The following KLK14 variants were observed in gnomAD, a reference collection of about 807,000 sequenced individuals.
The protein encoded by KLK14 is kallikrein related peptidase 14, also known as kallikrein-14.
A neutral mutation model predicts 24.6 loss-of-function variants in KLK14; 21 were observed. The ratio of observed to expected loss-of-function variants is 0.85; its 90% CI spans 0.61 to 1.23. KLK14 has a LOEUF of 1.23. Among genes scored for constraint, KLK14 ranks in the 50% most tolerant of loss-of-function variants. The pLI, the probability that KLK14 is intolerant of heterozygous loss-of-function variation, is 0.00. For synonymous variants in KLK14, 133 were observed against 139.7 expected (o/e 0.95, Z 0.34); for missense variants, 320 against 338.9 (o/e 0.94, Z 0.44).
chr19:51,083,040 G>T (rs528624871), upstream of KLK14, among the ~76,000 whole-genome samples: 4 of 151,650 alleles, frequency 2.6e-5, no homozygotes, highest in African/African-American at 9.7e-5. Flanking sequence ...CCCCTGTCTG[G>T]CCAAAAAAGC....
At chr19:51,081,369 C>A (rs2091837931) in intron 3 of KLK14, among the ~76,000 whole-genome samples, 163 bp downstream of exon 3, 1 of 137,040 alleles carries the variant, frequency 7.3e-6, no homozygotes, top group Non-Finnish European at 1.5e-5. Context: ...TGGAGGAGCC[C>A]ACATCCCGAG....
upstream of KLK14, among the ~76,000 whole-genome samples, chr19:51,083,269 C>CA (rs2091851394): frequency 1.2e-5 from 1 of 85,368 alleles, no homozygotes; most frequent in African/African-American, 4.8e-5. Context: ...GAGGGAGTCA[C>CA]GGGAGGAGGG....
intron 3 of KLK14, 54 bp from the exon 4 acceptor site, chr19:51,079,756 C>A: frequency 6.6e-7 from 1 of 1,510,970 alleles, no homozygotes; most frequent in Non-Finnish European, 8.8e-7. Context: ...AGAGACTCCT[C>A]CCCACCCTCC....
Position 51,082,603 on chromosome 19 carries a change from C to T in KLK14, c.12G>A (p.Leu4=), listed in dbSNP as rs769350773. 6.2e-7 allele frequency: 1 copy of T among 1,614,134 alleles called. No individual in the cohort carries two copies. Among genetic ancestry groups the T allele is most frequent in the Admixed American group, 1.7e-5 (1 of 60,016 alleles). Residue 4 remains leucine (L), a synonymous_variant, in exon 2 of 6, where the codon CTG becomes CTA. Coordinates refer to ENST00000650543, the MANE Select transcript of KLK14 (RefSeq NM_001369775.2). MFL[L]LTALQVLAIA... ...TAGCCAGGACTTGAAGTGCTGTCAG[C>T]AGGAGGAACATTTTAGGGGCTGAGG...
At position 51,081,522 on chromosome 19, in the gene KLK14, G is replaced by C; in HGVS notation, c.212+10C>G. ...CACTAGGTACAGGGACAGGGGAGGG[G>C]GTCACTTACGGGCGGCCGCAGTGAG... On this transcript the variant is annotated intron_variant, in intron 3 of 5. Transcript: ENST00000650543. 1 of 1,498,132 alleles carries C rather than the reference G, an allele frequency of 6.7e-7. No individual in the cohort carries two copies. Among genetic ancestry groups the C allele is most frequent in the Non-Finnish European group, 8.9e-7 (1 of 1,118,208 alleles). The allele number at this position is 1,498,132 out of a possible 1,614,324, so 92.8% of individuals were successfully genotyped here. A position where few individuals can be genotyped will look rare whatever the true frequency, so the allele number is the denominator to read the frequency against.
intron 1 of KLK14, 28 bp downstream of exon 1, chr19:51,082,694 A>G (rs890052431): frequency 3.1e-6 from 5 of 1,614,188 alleles, no homozygotes; most frequent in Middle Eastern, 1.7e-4. Context: ...CCGGGGGCTG[A>G]GAGGCAGAGA....
rs1568596925 is a variant in KLK14 at position 51,078,109 on chromosome 19, C to T, written c.654G>A (p.Val218=). The T allele has an allele frequency of 1.2e-6, 2 of 1,613,968 alleles. No homozygotes were observed. Among genetic ancestry groups the T allele is most frequent in the East Asian group, 2.2e-5 (1 of 44,874 alleles). ...GGGCGCAGCGCTCCATTCCCCAAGA[C>T]ACGAGGCCCTGGAGCTGTCCTCTGC... The part of the protein sequence containing the change: ...LVCRGQLQGL[V]SWGMERCALP... The change falls in exon 6 of 6, where the codon GTG becomes GTA. Residue 218 remains valine, a synonymous_variant. Transcript: ENST00000650543. The surrounding 1 kb of genome is among the most constrained non-coding windows in gnomAD (Gnocchi z 5.0).
rs577964926 is a variant in KLK14 at position 51,078,184 on chromosome 19, G to C, written c.604-25C>G. The C allele has an allele frequency of 6.2e-7, 1 of 1,609,598 alleles. No individual in the cohort carries two copies. The highest frequency in any genetic ancestry group is 1.3e-5 in the African/African-American group (1 of 74,946). ...CCTGAGGGGGAGGAACAGAAATGGAGACACTGATGGACAGGTAGCCAGAGC... is the reference window on the plus strand; with the variant it reads ...CCTGAGGGGGAGGAACAGAAATGGACACACTGATGGACAGGTAGCCAGAGC... On this transcript the variant is annotated intron_variant, in intron 5 of 5. Transcript: ENST00000650543. This position sits in a 1 kb window ranked among gnomAD's most constrained non-coding sequence, Gnocchi z 5.0.
chr19:51,081,474 C>A, intron 3 of KLK14, 58 bp downstream of exon 3: 1 of 1,400,312 alleles, frequency 7.1e-7, no homozygotes, highest in East Asian at 2.7e-5. Flanking sequence ...CAGCTCAGCT[C>A]TAGGGCTTTA....
At position 51,079,668 on chromosome 19, in the gene KLK14, T is replaced by G. The variant is rs2091827468; in HGVS notation, c.247A>C (p.Arg83=). The G allele has an allele frequency of 6.3e-7, 1 of 1,580,516 alleles. No individual in the cohort carries two copies. Residue 83 remains arginine, a synonymous_variant, in exon 4 of 6, where the codon AGG becomes CGG. Coordinates refer to ENST00000650543, the MANE Select transcript of KLK14 (RefSeq NM_001369775.2). ...ACCTGCTGGGTGGCCTCCCACCTCC[T>G]CAGGTTGTGCTTGCCCAGGGCAACC... ...LQVALGKHNL[R]RWEATQQVLR...
At position 51,078,789 on chromosome 19, in the gene KLK14, A is replaced by G; in HGVS notation, c.603+26T>C. The G allele has an allele frequency of 6.2e-7, 1 of 1,610,726 alleles. No homozygotes were observed. Among genetic ancestry groups the G allele is most frequent in the South Asian group, 1.1e-5 (1 of 90,736 alleles). On this transcript the variant is annotated intron_variant, in intron 5 of 5. Coordinates refer to ENST00000650543, the MANE Select transcript of KLK14 (RefSeq NM_001369775.2). This position sits in a 1 kb window ranked among gnomAD's most constrained non-coding sequence, Gnocchi z 5.0. ...TAAATCCCAGTCCCAAATAATCCCT[A>G]CCACAGCTCCCATCCTGGGCCTTAC...
At chr19:51,081,111 G>A (rs778044969) in intron 3 of KLK14, among the ~76,000 whole-genome samples, 12 of 152,350 alleles carry the variant, frequency 7.9e-5, no homozygotes, top group African/African-American at 2.4e-4. Flanking sequence ...TGTGAGCAGC[G>A]TTCTAGTTCT....
chr19:51,083,276 AGG>A (rs2091851569), upstream of KLK14, among the ~76,000 whole-genome samples: 1 of 119,614 alleles, frequency 8.4e-6, no homozygotes, highest in Non-Finnish European at 1.7e-5. Context: ...TCACGGGAGG[AGG>A]GAGAGAGGGA....
chr19:51,079,710 C>T lies in KLK14; in HGVS notation c.213-8G>A, dbSNP rs374956874. On this transcript the variant is annotated splice_polypyrimidine_tract_variant and splice_region_variant and intron_variant, in intron 3 of 5. Transcript: ENST00000650543. ...AGGGCAACCTGAAGGATCCTGGCCA[C>T]GACCCCCAAGAGAAGCGCTGCTCAG... 1,735 of 1,548,552 alleles carry T rather than the reference C, an allele frequency of 1.1e-3. 2 individuals carry two copies. Among genetic ancestry groups the T allele is most frequent in the South Asian group, 2.0e-3 (171 of 84,442 alleles).
chr19:51,082,468 T>G, intron 2 of KLK14, 107 bp downstream of exon 2: 1 of 1,018,572 alleles, frequency 9.8e-7, no homozygotes, highest in Non-Finnish European at 1.5e-6. Flanking sequence ...CTCCCTGCTC[T>G]TTCTTATGAG....
In KLK14 at chr19:51,078,966, A is replaced by T; in HGVS notation, c.467-15T>A. 1.2e-6 allele frequency: 2 copies of T among 1,612,758 alleles called. No individual in the cohort carries two copies. Among genetic ancestry groups the T allele is most frequent in the Non-Finnish European group, 8.5e-7 (1 of 1,179,592 alleles). Reference sequence around the variant, plus strand: ...GGGGTACCTGGCTGGGGGACACTGCAGGGTTATAACTGGGTCTACCCTCCC... The same window carrying T: ...GGGGTACCTGGCTGGGGGACACTGCTGGGTTATAACTGGGTCTACCCTCCC... On this transcript the variant is annotated splice_polypyrimidine_tract_variant and intron_variant, in intron 4 of 5. Coordinates refer to ENST00000650543, the MANE Select transcript of KLK14 (RefSeq NM_001369775.2). This position sits in a 1 kb window ranked among gnomAD's most constrained non-coding sequence, Gnocchi z 5.0.
At chr19:51,080,185 T>TATTTA (rs201009355) in intron 3 of KLK14, among the ~76,000 whole-genome samples, 1 of 135,194 alleles carries the variant, frequency 7.4e-6, no homozygotes. Flanking sequence ...TTTATTTATT[T>TATTTA]TTTTTTTGTG....
intron 2 of KLK14, 133 bp downstream of exon 2, chr19:51,082,442 C>T: frequency 1.3e-6 from 1 of 781,998 alleles, no homozygotes; most frequent in Admixed American, 2.6e-5. Flanking sequence ...GTTCCCCCAC[C>T]ATGACCCCCA....
At chr19:51,082,484 C>T (rs959256856) in intron 2 of KLK14, 91 bp downstream of exon 2, 2 of 1,182,632 alleles carry the variant, frequency 1.7e-6, no homozygotes, top group African/African-American at 1.5e-5. Flanking sequence ...ATGAGGTCAC[C>T]ATGAGCATCC....
Sources: gnomAD v4.1 joint callset for allele counts (sites outside exome capture counted in the v4.1 genomes callset) on GRCh38, gnomAD v4.1.1 for gene constraint, Gnocchi (gnomAD v3.1) non-coding constraint, MANE v1.5 for transcripts, NCBI Gene and HGNC (gene_info 2026-07-23, HGNC 2026-07-21) for gene names.